Variants in PTPRD observed in about 807,000 individuals in gnomAD.
PTPRD encodes the protein protein tyrosine phosphatase receptor type D, also known as receptor-type tyrosine-protein phosphatase delta.
PTPRD carries 34 observed loss-of-function variants against 214.5 expected under a neutral mutation model. The observed-to-expected ratio is 0.16, with a 90% confidence interval of 0.12 to 0.21. PTPRD has a LOEUF of 0.21. Among genes scored for constraint, PTPRD ranks in the 10% least tolerant of loss-of-function variants. PTPRD has a pLI of 1.00. For synonymous variants in PTPRD, 1,128 were observed against 845.7 expected (o/e 1.33, Z -5.79); for missense variants, 2,545 against 2,398.7 (o/e 1.06, Z -1.27).
chr9:9,995,284 G>C (rs1417560786), intron 4 of PTPRD, among the ~76,000 whole-genome samples: 1 of 151,994 alleles, frequency 6.6e-6, no homozygotes, highest in Non-Finnish European at 1.5e-5. Context: ...AAGGTATTCT[G>C]TCTTCCCAAT....
intron 12 of PTPRD, among the ~76,000 whole-genome samples, chr9:8,677,823 G>C (rs1243586990): frequency 1.3e-5 from 2 of 152,080 alleles, no homozygotes; most frequent in African/African-American, 2.4e-5. Flanking sequence ...CACAAGCAGC[G>C]GGGACTCACT....
chr9:8,586,222 C>A (rs1337611507), intron 14 of PTPRD, among the ~76,000 whole-genome samples: 2 of 142,066 alleles, frequency 1.4e-5, no homozygotes, highest in Non-Finnish European at 3.0e-5. Flanking sequence ...ATTGCTAGAA[C>A]CCGGGAGGTG....
rs2097649702 is a variant in PTPRD, at chr9:10,056,407, C to A, written c.-544-22617G>T. 2.0e-5 allele frequency among the ~76,000 whole-genome samples: 3 copies of A among 150,668 alleles called. No individual in the cohort carries two copies. In the South Asian group the frequency reaches 6.3e-4, roughly 32 times the overall value. Reference sequence around the variant, plus strand: ...TGCAAAAAGTATCAATAAAAGATACCCACAGGAGGATAACCTCTTTTATTA... The same window carrying A: ...TGCAAAAAGTATCAATAAAAGATACACACAGGAGGATAACCTCTTTTATTA... On this transcript the variant is annotated intron_variant, in intron 3 of 45. Transcript: ENST00000381196.
At chr9:8,510,007 G>C (rs1243266752) in intron 21 of PTPRD, among the ~76,000 whole-genome samples, 2 of 152,158 alleles carry the variant, frequency 1.3e-5, no homozygotes, top group Admixed American at 1.3e-4. Flanking sequence ...TTCAGGCTTA[G>C]GCATGGTAAC....
chr9:10,163,800 A>C (rs1164513578), intron 3 of PTPRD, among the ~76,000 whole-genome samples: 1 of 151,516 alleles, frequency 6.6e-6, no homozygotes, highest in African/African-American at 2.4e-5. Flanking sequence ...CATGCAGGTT[A>C]ATGCCAAATA....
At chr9:8,655,417 C>T (rs2096889852) in intron 12 of PTPRD, among the ~76,000 whole-genome samples, 3 of 152,148 alleles carry the variant, frequency 2.0e-5, no homozygotes, top group African/African-American at 7.2e-5. Context: ...GCTGCAACAA[C>T]ATAATTTGTT....
intron 3 of PTPRD, among the ~76,000 whole-genome samples, chr9:10,220,879 TAGAAG>T (rs752835657): frequency 2.9e-4 from 44 of 150,450 alleles, no homozygotes; most frequent in Non-Finnish European, 4.7e-4. Flanking sequence ...GCTTGGGAAA[TAGAAG>T]AGAAGAGAGA....
At position 8,948,453 on chromosome 9, in the gene PTPRD, TTATATATATATTTACA is replaced by T. The variant is rs1588657116; in HGVS notation, c.-104+70228_-104+70243del. On this transcript the variant is annotated intron_variant, in intron 11 of 45. Coordinates refer to ENST00000381196, the MANE Select transcript of PTPRD (RefSeq NM_002839.4). ...TATATATATTTACATATATATATAT[TTATATATATATTTACA>T]TATATATATATTTATATATATATTT... is the stretch of plus-strand genomic sequence containing the variant. Among the ~76,000 whole-genome samples, 118 of 13,496 alleles carry T rather than the reference TTATATATATATTTACA, an allele frequency of 8.7e-3. 7 individuals carry two copies. Among genetic ancestry groups the T allele is most frequent in the South Asian group, 0.016 (2 of 126 alleles). 8.9% of individuals were successfully genotyped at this position (13,496 alleles called of 152,430 possible).
chr9:10,386,662 A>T (rs371358418), intron 2 of PTPRD, among the ~76,000 whole-genome samples: 1 of 151,150 alleles, frequency 6.6e-6, no homozygotes, highest in Non-Finnish European at 1.5e-5. Context: ...AGACCAAAAA[A>T]ACAAAACAAA....
In PTPRD at chr9:10,381,407, G is replaced by A. The variant is rs567241628; in HGVS notation, c.-599-40390C>T. ...TTTCTATATTGCAGAAGCCTTCAGC[G>A]GAGCACTTGACTGCAGCCAACTGGC... On this transcript the variant is annotated intron_variant, in intron 2 of 45. Coordinates refer to ENST00000381196, the MANE Select transcript of PTPRD (RefSeq NM_002839.4). Among the ~76,000 whole-genome samples the A allele has an allele frequency of 6.1e-4, 92 of 152,040 alleles. 1 individual carries two copies. Among genetic ancestry groups the A allele is most frequent in the African/African-American group, 1.7e-3 (72 of 41,518 alleles).
chr9:9,835,566 A>G (rs867816889), intron 5 of PTPRD, among the ~76,000 whole-genome samples: 4 of 152,096 alleles, frequency 2.6e-5, no homozygotes, highest in African/African-American at 7.2e-5. Flanking sequence ...AAACAAATTC[A>G]TGCCTTCTTT....
At chr9:9,450,144 T>G (rs12343667) in intron 8 of PTPRD, among the ~76,000 whole-genome samples, 11,065 of 150,744 alleles carry the variant, frequency 0.073, 478 homozygotes, top group Non-Finnish European at 0.1. Flanking sequence ...GTGTGTGTAT[T>G]ACAGTTTCTT....
At chr9:8,517,683 G>A (rs1382306815) in intron 21 of PTPRD, among the ~76,000 whole-genome samples, 165 bp downstream of exon 21, 1 of 152,186 alleles carries the variant, frequency 6.6e-6, no homozygotes, top group Non-Finnish European at 1.5e-5. Context: ...TTTTTCAGAT[G>A]TCCATGCTTG....
At chr9:10,036,176 G>A (rs1003813467) in intron 3 of PTPRD, among the ~76,000 whole-genome samples, 16 of 152,090 alleles carry the variant, frequency 1.1e-4, no homozygotes, top group African/African-American at 3.6e-4. Flanking sequence ...TTTAATAAAA[G>A]TCAGAACAGG....
At chr9:9,660,969 C>A in intron 7 of PTPRD, among the ~76,000 whole-genome samples, 1 of 151,996 alleles carries the variant, frequency 6.6e-6, no homozygotes, top group East Asian at 1.9e-4. Flanking sequence ...AGATGTTAGG[C>A]AGCTTCATAT....
intron 7 of PTPRD, among the ~76,000 whole-genome samples, chr9:9,649,863 A>G (rs1022461931): frequency 6.6e-6 from 1 of 152,158 alleles, no homozygotes; most frequent in Non-Finnish European, 1.5e-5. Context: ...GCATCTTTTC[A>G]TTTTTCCTCA....
intron 9 of PTPRD, among the ~76,000 whole-genome samples, chr9:9,355,999 T>C (rs560319237): frequency 1.5e-4 from 22 of 151,472 alleles, no homozygotes; most frequent in African/African-American, 3.4e-4. Context: ...GACTAGAGCA[T>C]TGGATTTAGC....
Position 9,561,673 on chromosome 9 carries a change from T to G in PTPRD, c.-237+13059A>C, listed in dbSNP as rs546526414. On this transcript the variant is annotated intron_variant, in intron 8 of 45. Coordinates refer to ENST00000381196, the MANE Select transcript of PTPRD (RefSeq NM_002839.4). ...TTAACTGAAAAAAACACTCTTACTT[T>G]CCAAACAAAAGAAGGGTACTAATTT... is the stretch of plus-strand genomic sequence containing the variant. Among the ~76,000 whole-genome samples the G allele has an allele frequency of 3.1e-4, 47 of 152,274 alleles. 1 individual carries two copies. The South Asian group carries it at 9.7e-3, about 32-fold the overall frequency.
chr9:8,857,873 CA>C (rs1238263114), intron 11 of PTPRD: 7 of 156,258 alleles, frequency 4.5e-5, no homozygotes, highest in Non-Finnish European at 9.8e-5. Context: ...CGAGTGAGTC[CA>C]AAAACCCGAA....
Sources: allele counts gnomAD v4.1 joint callset (sites outside exome capture counted in the v4.1 genomes callset), GRCh38; gene constraint gnomAD v4.1.1; transcripts MANE v1.5; gene names NCBI Gene and HGNC (gene_info 2026-07-23, HGNC 2026-07-21).